The following CDS1 variants were observed in gnomAD, a reference collection of about 807,000 sequenced individuals.
CDS1 encodes the protein CDP-diacylglycerol synthase 1.
In CDS1, 41 loss-of-function variants were observed where a neutral mutation model predicts 62.1. The ratio of observed to expected loss-of-function variants is 0.66; its 90% CI spans 0.51 to 0.86. The LOEUF is 0.86. CDS1 is among the 40% of genes least tolerant of loss of function. The pLI is 0.00. For missense variants in CDS1, 470 were observed against 550.1 expected, an observed-to-expected ratio of 0.85 and a Z score of 1.46; for synonymous variants, 185 against 192.6, an observed-to-expected ratio of 0.96 and a Z score of 0.32.
intron 8 of CDS1, among the ~76,000 whole-genome samples, chr4:84,638,114 C>T (rs1441119917): frequency 6.6e-6 from 1 of 152,168 alleles, no homozygotes; most frequent in Admixed American, 6.5e-5. Flanking sequence ...CAAATCCTCC[C>T]ACACATCACA....
chr4:84,608,942 G>T (rs1045278948), intron 2 of CDS1, among the ~76,000 whole-genome samples: 1 of 151,874 alleles, frequency 6.6e-6, no homozygotes, highest in African/African-American at 2.4e-5. Context: ...ACTTTGGGAG[G>T]CCGAGGCAAG....
At chr4:84,625,197 C>A (rs776676520) in intron 5 of CDS1, among the ~76,000 whole-genome samples, 3 of 152,076 alleles carry the variant, frequency 2.0e-5, no homozygotes, top group Non-Finnish European at 4.4e-5. Flanking sequence ...ATACTTATTT[C>A]TGCCATAGAC....
intron 5 of CDS1, among the ~76,000 whole-genome samples, chr4:84,631,195 G>T (rs1236948904): frequency 6.6e-6 from 1 of 152,042 alleles, no homozygotes; most frequent in Non-Finnish European, 1.5e-5. Context: ...GACTCTTAAG[G>T]GTCAATAGGA....
Position 84,637,422 on chromosome 4 carries a change from C to G in CDS1, c.811-1502C>G, listed in dbSNP as rs1469199110. 3.9e-5 allele frequency among the ~76,000 whole-genome samples: 6 copies of G among 152,198 alleles called. No individual in the cohort carries two copies. In the East Asian group the frequency reaches 1.2e-3, roughly 29 times the overall value. On this transcript the variant is annotated intron_variant, in intron 8 of 12. Transcript: ENST00000295887. ...TGATCTTGGCGGAAGGGGAAGCAGG[C>G]ACATCTTATATGGTCAGAGCAGGAG...
intron 5 of CDS1, among the ~76,000 whole-genome samples, chr4:84,628,690 G>A (rs914134270): frequency 1.3e-5 from 2 of 152,104 alleles, no homozygotes; most frequent in African/African-American, 4.8e-5. Context: ...GTGCTGTCCT[G>A]CTCAGCTAAT....
At chr4:84,623,732 C>T (rs1371488299) in intron 5 of CDS1, among the ~76,000 whole-genome samples, 3 of 152,166 alleles carry the variant, frequency 2.0e-5, no homozygotes, top group Non-Finnish European at 4.4e-5. Context: ...CACAGTCCTG[C>T]GGATTGGCGG....
intron 9 of CDS1, among the ~76,000 whole-genome samples, chr4:84,639,563 T>C (rs1724316492): frequency 6.6e-6 from 1 of 152,214 alleles, no homozygotes; most frequent in South Asian, 2.1e-4. Flanking sequence ...AGGATTTAGA[T>C]TTTTATTAAA....
intron 9 of CDS1, among the ~76,000 whole-genome samples, chr4:84,640,482 T>C (rs1236777442): frequency 6.6e-6 from 1 of 152,148 alleles, no homozygotes; most frequent in Non-Finnish European, 1.5e-5. Flanking sequence ...TATTTTGTAC[T>C]ATTTTATTGT....
intron 5 of CDS1, among the ~76,000 whole-genome samples, chr4:84,630,842 T>A (rs908073986): frequency 1.2e-4 from 19 of 152,164 alleles, no homozygotes; most frequent in Non-Finnish European, 2.4e-4. Context: ...ATAGAATGCA[T>A]ACATAGCCAT....
chr4:84,599,401 CACACATATATATATATATATAT>C (rs1331333980), intron 1 of CDS1, among the ~76,000 whole-genome samples: 1 of 23,990 alleles, frequency 4.2e-5, no homozygotes, highest in Non-Finnish European at 1.0e-4. Flanking sequence ...TTGACACACA[CACACATATATATATATATATAT>C]ATATATATAT....
In CDS1 at chr4:84,604,319, CAGAT is replaced by C. The variant is rs761631996; in HGVS notation, c.198_201del (p.Asp66GlufsTer28). On this transcript the variant is annotated frameshift_variant, in exon 2 of 13. Coordinates refer to ENST00000295887, the MANE Select transcript of CDS1 (RefSeq NM_001263.4). LOFTEE classifies it high-confidence loss of function. ...GATATTCCGGAAATTCCACCATCCT[CAGAT>C]AGAACCCCTGAGATTCTCAAAAAAG... is the stretch of plus-strand genomic sequence containing the variant. 3 of 1,612,844 alleles carry C rather than the reference CAGAT, an allele frequency of 1.9e-6. No homozygotes were observed. The highest frequency in any genetic ancestry group is 2.2e-5 in the East Asian group (1 of 44,814).
intron 5 of CDS1, among the ~76,000 whole-genome samples, chr4:84,627,536 TAAG>T (rs1723899325): frequency 6.6e-6 from 1 of 152,224 alleles, no homozygotes; most frequent in Admixed American, 6.5e-5. Context: ...TAAACAGACT[TAAG>T]GTGTTTGACC....
chr4:84,622,499 A>G (rs1723719853), intron 5 of CDS1, among the ~76,000 whole-genome samples: 1 of 152,212 alleles, frequency 6.6e-6, no homozygotes, highest in South Asian at 2.1e-4. Flanking sequence ...AGGCTGAGGC[A>G]AGAGAATCGC....
intron 3 of CDS1, among the ~76,000 whole-genome samples, chr4:84,614,418 A>T (rs1024063706): frequency 6.6e-6 from 1 of 152,198 alleles, no homozygotes; most frequent in Non-Finnish European, 1.5e-5. Flanking sequence ...AGTTATTCAA[A>T]TCATTGTGTT....
intron 3 of CDS1, among the ~76,000 whole-genome samples, chr4:84,613,817 T>C (rs958364036): frequency 6.6e-5 from 10 of 152,048 alleles, no homozygotes; most frequent in African/African-American, 1.9e-4. Flanking sequence ...AGAGGTTTTT[T>C]CCCCCCCTGC....
intron 1 of CDS1, among the ~76,000 whole-genome samples, chr4:84,598,019 G>A (rs970539573): frequency 4.0e-5 from 6 of 151,802 alleles, no homozygotes; most frequent in Non-Finnish European, 5.9e-5. Flanking sequence ...CCAGCTACTC[G>A]GGAGGCTGAG....
chr4:84,591,676 A>C (rs1722595112), intron 1 of CDS1, among the ~76,000 whole-genome samples: 1 of 152,224 alleles, frequency 6.6e-6, no homozygotes, highest in Admixed American at 6.5e-5. Flanking sequence ...AGATAGGTTT[A>C]GTTTACATAT....
At chr4:84,621,206 T>A (rs2148649646) in intron 5 of CDS1, among the ~76,000 whole-genome samples, 1 of 152,368 alleles carries the variant, frequency 6.6e-6, no homozygotes, top group South Asian at 2.1e-4. Context: ...ATGAAGTTTG[T>A]TTGTGAGTTT....
intron 1 of CDS1, among the ~76,000 whole-genome samples, chr4:84,600,972 C>G (rs1039170665): frequency 3.3e-5 from 5 of 151,656 alleles, no homozygotes; most frequent in African/African-American, 4.9e-5. Context: ...AGTTCAAGAC[C>G]AGCCTGGGAA....
Sources: gnomAD v4.1 joint callset for allele counts (sites outside exome capture counted in the v4.1 genomes callset) on GRCh38, gnomAD v4.1.1 for gene constraint, MANE v1.5 for transcripts, NCBI Gene and HGNC (gene_info 2026-07-23, HGNC 2026-07-21) for gene names.